The following NTNG2 variants were observed in gnomAD, a reference collection of about 807,000 sequenced individuals.
The protein encoded by NTNG2 is netrin-G2.
A neutral mutation model predicts 47.6 loss-of-function variants in NTNG2; 15 were observed. The ratio of observed to expected loss-of-function variants is 0.32; its 90% CI spans 0.21 to 0.49. The LOEUF (loss-of-function observed/expected upper bound fraction) is 0.49. Ranked by LOEUF, NTNG2 falls within the 20% of genes least tolerant of loss-of-function variation. The pLI is 0.99. For synonymous variants in NTNG2, 307 were observed against 324.6 expected (o/e 0.95, Z 0.58); for missense variants, 578 against 764.6 (o/e 0.76, Z 2.88).
In NTNG2 at chr9:132,182,748, C is replaced by T. The variant is rs1046089067; in HGVS notation, c.214-15218C>T. ...CTCCCAACACTTGGGGCAGTCTTCT[C>T]GAAGGCCTCAAGCCCAGCGGGCAGC... On this transcript the variant is annotated intron_variant, in intron 2 of 7. Transcript: ENST00000393229. The surrounding 1 kb of genome is among the most constrained non-coding windows in gnomAD (Gnocchi z 4.2). 2.6e-5 allele frequency among the ~76,000 whole-genome samples: 4 copies of T among 152,178 alleles called. No individual in the cohort carries two copies. The highest frequency in any genetic ancestry group is 1.9e-4 in the East Asian group (1 of 5,186).
At chr9:132,203,714 C>T (rs1032970348) in intron 3 of NTNG2, among the ~76,000 whole-genome samples, 3 of 152,192 alleles carry the variant, frequency 2.0e-5, no homozygotes, top group South Asian at 2.1e-4. Context: ...CAGCTGCATT[C>T]GATGGGCCCA....
At chr9:132,170,635 AG>A (rs1835845481) in intron 2 of NTNG2, among the ~76,000 whole-genome samples, 1 of 152,292 alleles carries the variant, frequency 6.6e-6, no homozygotes, top group East Asian at 1.9e-4. Flanking sequence ...CGTGAGAGGA[AG>A]GGGGAAACCC....
At chr9:132,161,753 T>G (rs1317270090), upstream of NTNG2, 1 of 151,606 alleles carries the variant, frequency 6.6e-6, no homozygotes, top group African/African-American at 2.4e-5. The surrounding 1 kb of genome is among the most constrained non-coding windows in gnomAD (Gnocchi z 7.2). Context: ...GCCTCGGCAT[T>G]AACTTGGAGC....
chr9:132,199,049 A>G (rs1442919971), intron 3 of NTNG2, among the ~76,000 whole-genome samples: 2 of 152,110 alleles, frequency 1.3e-5, no homozygotes, highest in Non-Finnish European at 2.9e-5. Flanking sequence ...ATTACCTGAT[A>G]TTACATCATA....
At chr9:132,230,664 A>T in intron 5 of NTNG2, 69 bp downstream of exon 5, 1 of 1,548,614 alleles carries the variant, frequency 6.5e-7, no homozygotes, top group Non-Finnish European at 8.8e-7. Context: ...TCCTGGAAAA[A>T]GCTGGAGAGA....
Position 132,243,361 on chromosome 9 carries a change from G to A in NTNG2, c.*1250G>A, listed in dbSNP as rs975828824. ...GCAGTGCAGAGACCCCAGACGTGCC[G>A]GCCCTGTCCTCCCTACCTTCTCAAG... On this transcript the variant is annotated 3_prime_UTR_variant, in exon 8 of 8. Transcript: ENST00000393229. The A allele has an allele frequency of 2.0e-5, 3 of 152,140 alleles. No homozygotes were observed. The highest frequency in any genetic ancestry group is 4.8e-5 in the African/African-American group (2 of 41,342). The allele number at this position is 152,140 out of a possible 1,614,324, so 9.4% of individuals were successfully genotyped here. A position where few individuals can be genotyped will look rare whatever the true frequency, so the allele number is the denominator to read the frequency against.
intron 2 of NTNG2, among the ~76,000 whole-genome samples, chr9:132,179,244 G>C (rs1034275250): frequency 1.3e-5 from 2 of 152,228 alleles, no homozygotes; most frequent in East Asian, 3.8e-4. Flanking sequence ...CTGCCCGGAT[G>C]CCACCTGCAG....
At chr9:132,219,349 G>C (rs1840198333) in intron 3 of NTNG2, among the ~76,000 whole-genome samples, 1 of 152,140 alleles carries the variant, frequency 6.6e-6, no homozygotes, top group Admixed American at 6.5e-5. Flanking sequence ...CAACTGGGAG[G>C]ATCACTTGAG....
intron 3 of NTNG2, among the ~76,000 whole-genome samples, chr9:132,206,788 C>T (rs1839201596): frequency 6.6e-6 from 1 of 152,276 alleles, no homozygotes; most frequent in Admixed American, 6.5e-5. Context: ...GCCCCCTGAG[C>T]TACTGCTTCC....
intron 4 of NTNG2, among the ~76,000 whole-genome samples, chr9:132,229,042 T>C (rs937435925): frequency 1.3e-5 from 2 of 151,950 alleles, no homozygotes; most frequent in African/African-American, 4.8e-5. Context: ...GGCAGCTGGG[T>C]CTTCCTTACT....
At chr9:132,190,441 C>T (rs62577496) in intron 2 of NTNG2, among the ~76,000 whole-genome samples, 1 of 151,866 alleles carries the variant, frequency 6.6e-6, no homozygotes, top group South Asian at 2.1e-4. Flanking sequence ...TTCATCCCAG[C>T]GCAGGCTTGG....
intron 3 of NTNG2, among the ~76,000 whole-genome samples, chr9:132,200,592 C>T (rs1838670669): frequency 1.3e-5 from 2 of 152,332 alleles, no homozygotes; most frequent in African/African-American, 4.8e-5. Context: ...TGAGGCTGGG[C>T]AGGCCGCTGT....
chr9:132,198,648 G>T (rs369562160), intron 3 of NTNG2, 39 bp downstream of exon 3: 2 of 1,579,442 alleles, frequency 1.3e-6, no homozygotes, highest in African/African-American at 2.7e-5. Context: ...CCTGCAACCT[G>T]GGATGCTATC....
intron 2 of NTNG2, among the ~76,000 whole-genome samples, chr9:132,174,222 GGACA>G (rs1836214721): frequency 6.8e-6 from 1 of 146,656 alleles, no homozygotes; most frequent in Non-Finnish European, 1.5e-5. Flanking sequence ...ATGGACGGAC[GGACA>G]GACAGGCAGG....
rs1462061069 is a variant in NTNG2 at position 132,162,572 on chromosome 9, G to C, written c.-484+333G>C. On this transcript the variant is annotated intron_variant, in intron 1 of 7. Transcript: ENST00000393229. This position sits in a 1 kb window ranked among gnomAD's most constrained non-coding sequence, Gnocchi z 4.6. ...TGTGTGTGTGAGAGAGAGACAGAGTGTGTGTGTGTGTGTGTGTGTGTGTGT... is the reference window on the plus strand; with the variant it reads ...TGTGTGTGTGAGAGAGAGACAGAGTCTGTGTGTGTGTGTGTGTGTGTGTGT... 4.2e-5 allele frequency among the ~76,000 whole-genome samples: 2 copies of C among 47,866 alleles called. No homozygotes were observed. The highest frequency in any genetic ancestry group is 2.0e-4 in the African/African-American group (2 of 10,198). 31.4% of individuals were successfully genotyped at this position (47,866 alleles called of 152,430 possible).
At chr9:132,187,227 G>A (rs1304492786) in intron 2 of NTNG2, among the ~76,000 whole-genome samples, 2 of 152,250 alleles carry the variant, frequency 1.3e-5, no homozygotes, top group African/African-American at 4.8e-5. Context: ...CGAGTCCCTG[G>A]GGAGGCAGCG....
intron 2 of NTNG2, among the ~76,000 whole-genome samples, chr9:132,177,234 G>T (rs568000479): frequency 1.8e-4 from 28 of 152,302 alleles, no homozygotes; most frequent in African/African-American, 6.3e-4. Context: ...CGATCTGCCC[G>T]CCTGGGCCTC....
chr9:132,174,560 C>G (rs374814149), intron 2 of NTNG2, among the ~76,000 whole-genome samples: 17 of 152,100 alleles, frequency 1.1e-4, no homozygotes, highest in African/African-American at 3.9e-4. Flanking sequence ...CCTCGAAGGA[C>G]GTGTGTACAA....
At chr9:132,196,348 G>A (rs965409167) in intron 2 of NTNG2, among the ~76,000 whole-genome samples, 1 of 151,976 alleles carries the variant, frequency 6.6e-6, no homozygotes, top group Non-Finnish European at 1.5e-5. Flanking sequence ...GCACCACCAC[G>A]CCCGGGTAAT....
Sources: gnomAD v4.1 joint callset for allele counts (sites outside exome capture counted in the v4.1 genomes callset) on GRCh38, gnomAD v4.1.1 for gene constraint, Gnocchi (gnomAD v3.1) non-coding constraint, MANE v1.5 for transcripts, NCBI Gene and HGNC (gene_info 2026-07-23, HGNC 2026-07-21) for gene names.